The following LRRC1 variants were observed in gnomAD, a reference collection of about 807,000 sequenced individuals.
LRRC1 encodes the protein leucine rich repeat containing 1, also known as leucine-rich repeat-containing protein 1.
In LRRC1, 28 loss-of-function variants were observed where a neutral mutation model predicts 69.9. The ratio of observed to expected loss-of-function variants is 0.40; its 90% CI spans 0.30 to 0.55. LRRC1 has a LOEUF of 0.55. Among genes scored for constraint, LRRC1 ranks in the 20% least tolerant of loss-of-function variants. The pLI is 0.47. For missense variants in LRRC1, 498 were observed against 609.0 expected, an observed-to-expected ratio of 0.82 and a Z score of 1.92; for synonymous variants, 236 against 240.2, an observed-to-expected ratio of 0.98 and a Z score of 0.16.
chr6:53,846,264 A>T lies in LRRC1; in HGVS notation c.277+4037A>T, dbSNP rs184585561. Among the ~76,000 whole-genome samples, 24 of 152,332 alleles carry T rather than the reference A, an allele frequency of 1.6e-4. No homozygotes were observed. The East Asian group carries it at 4.4e-3, about 28-fold the overall frequency. Reference sequence around the variant, plus strand: ...GTGTGCTGTGTTGGAAAAGAGAAGCATGAGTTTAGGGAAAAAGAGGGCAGT... The same window carrying T: ...GTGTGCTGTGTTGGAAAAGAGAAGCTTGAGTTTAGGGAAAAAGAGGGCAGT... On this transcript the variant is annotated intron_variant, in intron 2 of 13. Coordinates refer to ENST00000370888, the MANE Select transcript of LRRC1 (RefSeq NM_018214.5).
chr6:53,884,046 A>G lies in LRRC1; in HGVS notation c.446+1070A>G, dbSNP rs1447125122. ...TATCTTTATGCCATTAGACTTGCTA[A>G]TTAAAAATTCTGCCCTTAAACTCTC... On this transcript the variant is annotated intron_variant, in intron 4 of 13. Transcript: ENST00000370888. 14 of 715,972 alleles carry G rather than the reference A, an allele frequency of 2.0e-5. 1 individual carries two copies. Among genetic ancestry groups the G allele is most frequent in the South Asian group, 1.6e-4 (11 of 67,288 alleles). The allele number at this position is 715,972 out of a possible 1,614,324, so 44.4% of individuals were successfully genotyped here. A position where few individuals can be genotyped will look rare whatever the true frequency, so the allele number is the denominator to read the frequency against.
chr6:53,853,157 T>C (rs1339968213), intron 2 of LRRC1, among the ~76,000 whole-genome samples: 1 of 152,160 alleles, frequency 6.6e-6, no homozygotes, highest in African/African-American at 2.4e-5. Context: ...GAGGGCAGAG[T>C]CCTCCTGACT....
intron 2 of LRRC1, among the ~76,000 whole-genome samples, chr6:53,858,523 G>A (rs1315427696): frequency 6.6e-6 from 1 of 152,196 alleles, no homozygotes; most frequent in Non-Finnish European, 1.5e-5. Context: ...CACATGGCCT[G>A]ACATAAATAA....
At chr6:53,891,201 C>T (rs914145989) in intron 4 of LRRC1, among the ~76,000 whole-genome samples, 1 of 152,000 alleles carries the variant, frequency 6.6e-6, no homozygotes, top group Non-Finnish European at 1.5e-5. Flanking sequence ...CTCCTGCCCC[C>T]CAACTTCCTT....
intron 2 of LRRC1, among the ~76,000 whole-genome samples, chr6:53,871,209 G>A (rs1381328691): frequency 6.6e-6 from 1 of 152,136 alleles, no homozygotes; most frequent in Non-Finnish European, 1.5e-5. Context: ...TTGAGGAACC[G>A]CCGTAGTTTT....
chr6:53,839,530 C>T (rs1009845348), intron 1 of LRRC1, among the ~76,000 whole-genome samples: 4 of 152,174 alleles, frequency 2.6e-5, no homozygotes, highest in African/African-American at 7.2e-5. Context: ...CTTCCCCACT[C>T]CGGTTTCTGG....
intron 9 of LRRC1, among the ~76,000 whole-genome samples, chr6:53,904,102 G>T (rs1185665030): frequency 6.6e-6 from 1 of 152,212 alleles, no homozygotes; most frequent in East Asian, 1.9e-4. Context: ...TCCTTGAGTT[G>T]AACAGCATCT....
chr6:53,798,662 A>T (rs1764374982), intron 1 of LRRC1, among the ~76,000 whole-genome samples: 3 of 152,216 alleles, frequency 2.0e-5, no homozygotes, highest in Admixed American at 2.0e-4. Context: ...TACAGGCGTG[A>T]GCCACCATGC....
At chr6:53,839,336 A>C (rs920805660) in intron 1 of LRRC1, among the ~76,000 whole-genome samples, 1 of 152,178 alleles carries the variant, frequency 6.6e-6, no homozygotes, top group Non-Finnish European at 1.5e-5. Flanking sequence ...CAAAAAAAAG[A>C]AAGATAAAGT....
intron 2 of LRRC1, among the ~76,000 whole-genome samples, chr6:53,864,472 T>C (rs1167644433): frequency 6.6e-6 from 1 of 152,170 alleles, no homozygotes; most frequent in Non-Finnish European, 1.5e-5. Context: ...CTTCAGACCC[T>C]CAACCGCTAC....
chr6:53,842,299 A>G (rs1765815607), intron 2 of LRRC1, 72 bp downstream of exon 2: 4 of 1,020,126 alleles, frequency 3.9e-6, no homozygotes, highest in Middle Eastern at 2.1e-4. Context: ...AAATATAGCT[A>G]CGAGTGAGAA....
chr6:53,917,795 G>A (rs1273065668), intron 11 of LRRC1, among the ~76,000 whole-genome samples: 1 of 152,202 alleles, frequency 6.6e-6, no homozygotes, highest in African/African-American at 2.4e-5. Context: ...AATTACATTT[G>A]TGTTCAATAA....
At chr6:53,800,733 G>A (rs1415917640) in intron 1 of LRRC1, among the ~76,000 whole-genome samples, 2 of 151,592 alleles carry the variant, frequency 1.3e-5, no homozygotes. Flanking sequence ...TCTACCTCCT[G>A]GGTTCAAGCG....
chr6:53,887,285 A>G (rs2127432858), intron 4 of LRRC1, among the ~76,000 whole-genome samples: 1 of 152,356 alleles, frequency 6.6e-6, no homozygotes, highest in East Asian at 1.9e-4. Flanking sequence ...TATTAGGGAG[A>G]CAATAAATTT....
At position 53,896,495 on chromosome 6, in the gene LRRC1, T is replaced by C; in HGVS notation, c.447-3T>C. 6.2e-7 allele frequency: 1 copy of C among 1,612,212 alleles called. No homozygotes were observed. The highest frequency in any genetic ancestry group is 1.1e-5 in the South Asian group (1 of 91,030). On this transcript the variant is annotated splice_polypyrimidine_tract_variant and splice_region_variant and intron_variant, in intron 4 of 13. Transcript: ENST00000370888. ...GCTTTTTTTTCCTTCTGTTCATTTC[T>C]AGTCTTTATAACCTGGCTTCACTGG...
chr6:53,847,750 A>T (rs12192689), intron 2 of LRRC1, among the ~76,000 whole-genome samples: 23,915 of 152,184 alleles, frequency 0.16, 1,972 homozygotes, highest in African/African-American at 0.17. Flanking sequence ...GTTTCATAAG[A>T]TCTAAAACCA....
chr6:53,895,474 G>A (rs1767840078), intron 4 of LRRC1, among the ~76,000 whole-genome samples: 1 of 152,158 alleles, frequency 6.6e-6, no homozygotes, highest in Admixed American at 6.5e-5. Flanking sequence ...GAGAATGGAG[G>A]ATTAAGGCAG....
At chr6:53,889,840 G>A (rs9474672) in intron 4 of LRRC1, among the ~76,000 whole-genome samples, 38,170 of 152,012 alleles carry the variant, frequency 0.25, 5,267 homozygotes, top group African/African-American at 0.35. Context: ...TTGAAGCTGG[G>A]TACTGCTGAA....
intron 2 of LRRC1, among the ~76,000 whole-genome samples, chr6:53,845,513 G>C (rs959667878): frequency 2.0e-5 from 3 of 152,184 alleles, no homozygotes; most frequent in African/African-American, 7.2e-5. Context: ...CTGGTCTTCT[G>C]TTGCCCCAGA....
Sources: allele counts gnomAD v4.1 joint callset (sites outside exome capture counted in the v4.1 genomes callset), GRCh38; gene constraint gnomAD v4.1.1; transcripts MANE v1.5; gene names NCBI Gene and HGNC (gene_info 2026-07-23, HGNC 2026-07-21).